THRB: variants seen among roughly 807,000 people sequenced by gnomAD.
The protein encoded by THRB is nuclear receptor subfamily 1 group A member 2.
THRB carries 12 observed loss-of-function variants against 47.8 expected under a neutral mutation model. The observed-to-expected ratio is 0.25, with a 90% confidence interval of 0.16 to 0.41. THRB has a LOEUF of 0.41. Ranked by LOEUF, THRB falls within the 10% of genes least tolerant of loss-of-function variation. The pLI, the probability that THRB is intolerant of heterozygous loss-of-function variation, is 1.00. For synonymous variants in THRB, 218 were observed against 212.2 expected, an observed-to-expected ratio of 1.03 and a Z score of -0.24; for missense variants, 348 against 589.2, an observed-to-expected ratio of 0.59 and a Z score of 4.24.
At chr3:24,290,411 T>A (rs543791786) in intron 3 of THRB, among the ~76,000 whole-genome samples, 1 of 152,180 alleles carries the variant, frequency 6.6e-6, no homozygotes, top group African/African-American at 2.4e-5. Context: ...ACGGGAGACA[T>A]CTTATAAACA....
At chr3:24,491,263 G>A (rs1698106756) in intron 1 of THRB, among the ~76,000 whole-genome samples, 1 of 152,078 alleles carries the variant, frequency 6.6e-6, no homozygotes, top group South Asian at 2.1e-4. Context: ...GTCTGATTTT[G>A]TGAAATTTTT....
At chr3:24,376,653 G>C (rs920893375) in intron 1 of THRB, among the ~76,000 whole-genome samples, 1 of 145,760 alleles carries the variant, frequency 6.9e-6, no homozygotes, top group African/African-American at 2.6e-5. Context: ...TCCAAAAAAA[G>C]GCAATGCCTT....
chr3:24,307,503 T>C (rs2057438244), intron 2 of THRB, among the ~76,000 whole-genome samples: 1 of 152,186 alleles, frequency 6.6e-6, no homozygotes, highest in African/African-American at 2.4e-5. Context: ...GCACTTTCAA[T>C]GACTTTATAT....
chr3:24,359,725 AT>A, intron 1 of THRB, among the ~76,000 whole-genome samples: 1 of 152,110 alleles, frequency 6.6e-6, no homozygotes, highest in East Asian at 1.9e-4. Flanking sequence ...TTAAAAACAC[AT>A]TTTCAGTTGA....
chr3:24,260,062 T>G (rs1327788325), intron 3 of THRB, among the ~76,000 whole-genome samples: 5 of 152,304 alleles, frequency 3.3e-5, no homozygotes, highest in Admixed American at 6.5e-5. Flanking sequence ...CCTTATCACC[T>G]CAACCCTAAG....
At chr3:24,337,513 ATAGACT>A (rs2062336549) in intron 1 of THRB, 142 bp from the exon 2 acceptor site, 1 of 152,214 alleles carries the variant, frequency 6.6e-6, no homozygotes, top group African/African-American at 2.4e-5. Flanking sequence ...ATAGATGCAA[ATAGACT>A]TAGATAAAAT....
At chr3:24,173,181 C>G (rs1312859859) in intron 5 of THRB, among the ~76,000 whole-genome samples, 1 of 152,138 alleles carries the variant, frequency 6.6e-6, no homozygotes, top group East Asian at 1.9e-4. Context: ...GATTCTGATA[C>G]TAGCCGAAGT....
intron 1 of THRB, among the ~76,000 whole-genome samples, chr3:24,435,449 G>A (rs2070845067): frequency 6.6e-6 from 1 of 152,090 alleles, no homozygotes; most frequent in Admixed American, 6.6e-5. Flanking sequence ...TGGCAATATG[G>A]TCCGGTAGGT....
intron 1 of THRB, among the ~76,000 whole-genome samples, chr3:24,383,602 T>G (rs1022144735): frequency 6.6e-6 from 1 of 152,186 alleles, no homozygotes; most frequent in Non-Finnish European, 1.5e-5. Flanking sequence ...CTTCATATCC[T>G]GTCACTAGGA....
chr3:24,395,244 C>T (rs959605095), intron 1 of THRB, among the ~76,000 whole-genome samples: 2 of 152,020 alleles, frequency 1.3e-5, no homozygotes, highest in African/African-American at 4.8e-5. Flanking sequence ...ACCAGAAGCA[C>T]AAGCAACAAA....
At chr3:24,215,030 C>T (rs573515762) in intron 4 of THRB, among the ~76,000 whole-genome samples, 46 of 152,314 alleles carry the variant, frequency 3.0e-4, no homozygotes, top group Admixed American at 5.2e-4. Context: ...TCTTACAGAT[C>T]CATCATTCAC....
chr3:24,254,349 TGTGGCACTCCA>T lies in THRB; in HGVS notation c.-42-25359_-42-25349del, dbSNP rs2051016554. ...GGCAAAGCTTGCAGTGAGCCCAGAT[TGTGGCACTCCA>T]GGCTGGGCAACAGAGGGAGACTCCA... is the stretch of plus-strand genomic sequence containing the variant. On this transcript the variant is annotated intron_variant, in intron 3 of 10. Coordinates refer to ENST00000646209, the MANE Select transcript of THRB (RefSeq NM_001354712.2). Among the ~76,000 whole-genome samples, 6 of 149,666 alleles carry T rather than the reference TGTGGCACTCCA, an allele frequency of 4.0e-5. No homozygotes were observed. The South Asian group carries it at 1.3e-3, about 32-fold the overall frequency.
At position 24,446,607 on chromosome 3, in the gene THRB, T is replaced by C. The variant is rs568979191; in HGVS notation, c.-261+48045A>G. On this transcript the variant is annotated intron_variant, in intron 1 of 10. Transcript: ENST00000646209. ...AAAGAAATATACTTTTGAAAATTCC[T>C]GCAATGCCTACTGTGACAGTGACAT... Among the ~76,000 whole-genome samples, 6 of 151,416 alleles carry C rather than the reference T, an allele frequency of 4.0e-5. No homozygotes were observed. The East Asian group carries it at 1.2e-3, about 29-fold the overall frequency.
At chr3:24,162,900 TA>T (rs2039091133) in intron 5 of THRB, among the ~76,000 whole-genome samples, 1 of 152,044 alleles carries the variant, frequency 6.6e-6, no homozygotes, top group Non-Finnish European at 1.5e-5. Flanking sequence ...AAGCCATCCT[TA>T]AAAAAATAAA....
At chr3:24,440,750 T>C (rs926828487) in intron 1 of THRB, among the ~76,000 whole-genome samples, 20 of 152,254 alleles carry the variant, frequency 1.3e-4, no homozygotes, top group African/African-American at 4.6e-4. Context: ...GTGAAAGGGA[T>C]GATGACTGAG....
intron 1 of THRB, among the ~76,000 whole-genome samples, chr3:24,415,935 T>C (rs1389348867): frequency 6.6e-6 from 1 of 151,860 alleles, no homozygotes; most frequent in African/African-American, 2.4e-5. Flanking sequence ...TTAATGACTT[T>C]AGTTTCTGAA....
intron 1 of THRB, among the ~76,000 whole-genome samples, chr3:24,395,556 A>G (rs116818798): frequency 9.9e-5 from 15 of 152,252 alleles, no homozygotes; most frequent in Non-Finnish European, 1.9e-4. Context: ...AATCAAAACT[A>G]CAGCGATATA....
intron 6 of THRB, among the ~76,000 whole-genome samples, chr3:24,151,870 C>A (rs2036999628): frequency 6.6e-6 from 1 of 152,172 alleles, no homozygotes; most frequent in South Asian, 2.1e-4. Flanking sequence ...GTGCGAAAAG[C>A]CAACTTGGAT....
chr3:24,216,702 A>G (rs2046604974), intron 4 of THRB, among the ~76,000 whole-genome samples: 1 of 152,218 alleles, frequency 6.6e-6, no homozygotes, highest in Non-Finnish European at 1.5e-5. Context: ...TCATGTTTAT[A>G]TGTTTAGTAT....
Sources: gnomAD v4.1 joint callset for allele counts (sites outside exome capture counted in the v4.1 genomes callset) on GRCh38, gnomAD v4.1.1 for gene constraint, MANE v1.5 for transcripts, NCBI Gene and HGNC (gene_info 2026-07-23, HGNC 2026-07-21) for gene names.